TMC7: variants seen among roughly 807,000 people sequenced by gnomAD.
The protein encoded by TMC7 is transmembrane channel like 7, also known as transmembrane channel-like protein 7.
TMC7 carries 54 observed loss-of-function variants against 82.9 expected under a neutral mutation model. That is an observed-to-expected ratio of 0.65 (90% CI 0.52 to 0.82). The LOEUF (loss-of-function observed/expected upper bound fraction) is 0.82, where lower values mean the gene tolerates loss of function less well. Ranked by LOEUF, TMC7 falls within the 40% of genes least tolerant of loss-of-function variation. The probability of loss-of-function intolerance (pLI) is 0.00; values close to 1 mark genes in which losing one functional copy is unlikely to be tolerated. For synonymous variants in TMC7, 350 were observed against 337.9 expected, an observed-to-expected ratio of 1.04 and a Z score of -0.39; for missense variants, 820 against 901.2, an observed-to-expected ratio of 0.91 and a Z score of 1.15.
At chr16:19,029,360 C>T (rs943026902) in intron 5 of TMC7, among the ~76,000 whole-genome samples, 1 of 152,020 alleles carries the variant, frequency 6.6e-6, no homozygotes. Context: ...CTTTTCGATG[C>T]TATGGCACAT....
intron 1 of TMC7, among the ~76,000 whole-genome samples, chr16:18,996,288 C>G (rs568396895): frequency 1.1e-4 from 16 of 152,184 alleles, no homozygotes; most frequent in African/African-American, 3.9e-4. Context: ...ACTGAGGGAA[C>G]AGACAGGAGA....
chr16:18,998,633 A>G (rs952107250), intron 1 of TMC7, among the ~76,000 whole-genome samples: 1 of 152,146 alleles, frequency 6.6e-6, no homozygotes, highest in Non-Finnish European at 1.5e-5. Flanking sequence ...GGGCACCCAT[A>G]GTCCCAGCCA....
chr16:18,999,912 C>T (rs1427195754), intron 1 of TMC7, among the ~76,000 whole-genome samples: 1 of 151,896 alleles, frequency 6.6e-6, no homozygotes, highest in Middle Eastern at 3.4e-3. Flanking sequence ...TACAGGTGCC[C>T]GCCACCACGC....
chr16:18,987,884 T>G (rs577713684), intron 1 of TMC7, among the ~76,000 whole-genome samples: 31 of 152,302 alleles, frequency 2.0e-4, no homozygotes, highest in African/African-American at 5.5e-4. Context: ...TTGATATGAC[T>G]GTGGTTGGAC....
At chr16:19,057,327 G>A (rs1029901035) in intron 14 of TMC7, among the ~76,000 whole-genome samples, 8 of 152,210 alleles carry the variant, frequency 5.3e-5, no homozygotes, top group Non-Finnish European at 1.0e-4. Flanking sequence ...ACAGATTTCT[G>A]AGCAGAGAGA....
rs1962055708 is a variant in TMC7 at position 19,062,655 on chromosome 16, T to C, written c.*812T>C. ...AAAAAATGTAGAATATCTCTTAAGA[T>C]TTCCGTTATGGTAAAAACCATATGC... On this transcript the variant is annotated 3_prime_UTR_variant, in exon 16 of 16. Coordinates refer to ENST00000304381, the MANE Select transcript of TMC7 (RefSeq NM_024847.4). 6.5e-6 allele frequency: 1 copy of C among 152,760 alleles called. No homozygotes were observed. Among genetic ancestry groups the C allele is most frequent in the South Asian group, 2.1e-4 (1 of 4,834 alleles). The allele number at this position is 152,760 out of a possible 1,614,324, so 9.5% of individuals were successfully genotyped here.
intron 12 of TMC7, among the ~76,000 whole-genome samples, chr16:19,050,564 C>T (rs1224734177): frequency 6.6e-5 from 10 of 152,040 alleles, no homozygotes; most frequent in Non-Finnish European, 1.3e-4. Flanking sequence ...ATACAGCTCA[C>T]TACAGCCTCA....
intron 12 of TMC7, among the ~76,000 whole-genome samples, chr16:19,048,807 G>A (rs1398726892): frequency 6.6e-6 from 1 of 152,140 alleles, no homozygotes; most frequent in Non-Finnish European, 1.5e-5. Flanking sequence ...CCTTCTTCCA[G>A]AGGTACCCTC....
intron 1 of TMC7, among the ~76,000 whole-genome samples, chr16:18,997,670 C>A (rs963558803): frequency 5.9e-5 from 9 of 151,986 alleles, no homozygotes; most frequent in African/African-American, 2.2e-4. Flanking sequence ...CCACCGCACC[C>A]GGCCTCAGGC....
chr16:19,026,121 A>G (rs1386268700), intron 5 of TMC7, among the ~76,000 whole-genome samples: 1 of 151,832 alleles, frequency 6.6e-6, no homozygotes. Context: ...ACGTTTTCCT[A>G]AAAACAACCC....
rs761245255 is a variant in TMC7 at position 19,021,719 on chromosome 16, T to C, written c.551T>C (p.Leu184Pro). Residue 184 changes from leucine to proline, a missense_variant, in exon 4 of 16, where the codon CTG becomes CCG. Physicochemically the swap from Leu to Pro is moderately conservative, Grantham distance 98 (BLOSUM62 -3). Transcript: ENST00000304381. ...GTGATATTTCTGATCATCTTTATGC[T>C]GGTTTTGCTCCCAGTCTTACTCACG... ...NLVIFLIIFM[L>P]VLLPVLLTKY... The C allele has an allele frequency of 1.2e-6, 2 of 1,614,074 alleles. No individual in the cohort carries two copies. The highest frequency in any genetic ancestry group is 8.5e-7 in the Non-Finnish European group (1 of 1,180,042).
chr16:18,996,035 C>T (rs139933578), intron 1 of TMC7, among the ~76,000 whole-genome samples: 3 of 152,016 alleles, frequency 2.0e-5, no homozygotes, highest in Non-Finnish European at 4.4e-5. Flanking sequence ...GCCTTTAGCT[C>T]CAGCCACCTT....
At chr16:19,045,310 T>C in intron 10 of TMC7, 31 bp from the exon 11 acceptor site, 1 of 1,577,286 alleles carries the variant, frequency 6.3e-7, no homozygotes, top group Non-Finnish European at 8.7e-7. Flanking sequence ...AGCTAGGGTC[T>C]TTCAGTTTCC....
At chr16:18,990,759 C>T (rs1215537896) in intron 1 of TMC7, among the ~76,000 whole-genome samples, 1 of 152,150 alleles carries the variant, frequency 6.6e-6, no homozygotes, top group Non-Finnish European at 1.5e-5. Context: ...TACAAATAAA[C>T]TTCTTAAGGG....
rs142364831 is a variant in TMC7, at chr16:18,991,736, TCCC to T, written c.67+7608_67+7610del. On this transcript the variant is annotated intron_variant, in intron 1 of 15. Coordinates refer to ENST00000304381, the MANE Select transcript of TMC7 (RefSeq NM_024847.4). ...ATCTCCTAATGCTATCCCTCCCCCG[TCCC>T]CGCACCGCACAAGAGGCCCCGGTGT... Among the ~76,000 whole-genome samples the T allele has an allele frequency of 2.2e-3, 342 of 152,000 alleles. 2 individuals carry two copies. The highest frequency in any genetic ancestry group is 3.8e-3 in the Non-Finnish European group (256 of 67,942).
intron 1 of TMC7, among the ~76,000 whole-genome samples, chr16:18,985,503 CT>C (rs1482212598): frequency 6.6e-6 from 1 of 152,044 alleles, no homozygotes; most frequent in Non-Finnish European, 1.5e-5. Context: ...TAGTTGGTTC[CT>C]ATTAATAGTC....
chr16:19,006,441 C>T (rs1420200057), intron 1 of TMC7, among the ~76,000 whole-genome samples: 1 of 152,154 alleles, frequency 6.6e-6, no homozygotes, highest in Non-Finnish European at 1.5e-5. Context: ...GCCTTGGCCT[C>T]CCAAAGTGCT....
At chr16:19,022,538 T>C (rs893398853) in intron 4 of TMC7, among the ~76,000 whole-genome samples, 4 of 152,240 alleles carry the variant, frequency 2.6e-5, no homozygotes, top group African/African-American at 9.6e-5. Flanking sequence ...AGTAATGTGC[T>C]GTCCACGTTT....
intron 2 of TMC7, among the ~76,000 whole-genome samples, 194 bp downstream of exon 2, chr16:19,009,609 GA>G (rs1008483523): frequency 5.2e-4 from 74 of 141,376 alleles, no homozygotes; most frequent in East Asian, 1.2e-3. Flanking sequence ...CCTTAAAAAA[GA>G]AAAAAAAAAA....
Sources: allele counts gnomAD v4.1 joint callset (sites outside exome capture counted in the v4.1 genomes callset), GRCh38; gene constraint gnomAD v4.1.1; transcripts MANE v1.5; gene names NCBI Gene and HGNC (gene_info 2026-07-23, HGNC 2026-07-21).